Variants in CDH4 observed in about 807,000 individuals in gnomAD.
The protein encoded by CDH4 is cadherin-4.
Under a neutral mutation model 86.0 loss-of-function variants are expected in CDH4, and 33 were observed. The observed-to-expected ratio is 0.38, with a 90% confidence interval of 0.29 to 0.51. The LOEUF (loss-of-function observed/expected upper bound fraction) is 0.51, where lower values mean the gene tolerates loss of function less well. Among genes scored for constraint, CDH4 ranks in the 20% least tolerant of loss-of-function variants. CDH4 has a pLI of 0.86. For synonymous variants in CDH4, 555 were observed against 549.4 expected, an observed-to-expected ratio of 1.01 and a Z score of -0.14; for missense variants, 1,114 against 1,307.4, an observed-to-expected ratio of 0.85 and a Z score of 2.28.
At chr20:61,363,641 C>T (rs2084796281) in intron 2 of CDH4, among the ~76,000 whole-genome samples, 1 of 152,152 alleles carries the variant, frequency 6.6e-6, no homozygotes, top group Non-Finnish European at 1.5e-5. Flanking sequence ...AGTTAGTGTT[C>T]CTGACGGGGG....
intron 2 of CDH4, among the ~76,000 whole-genome samples, chr20:61,358,517 C>T (rs1169559490): frequency 6.6e-6 from 1 of 152,198 alleles, no homozygotes; most frequent in East Asian, 1.9e-4. Flanking sequence ...CATCACCTCC[C>T]TCCTAATTAT....
chr20:61,815,086 C>T (rs1366933643), intron 4 of CDH4, among the ~76,000 whole-genome samples: 1 of 152,182 alleles, frequency 6.6e-6, no homozygotes, highest in Non-Finnish European at 1.5e-5. Flanking sequence ...GGAAATTCTG[C>T]ACCCTGAGTT....
chr20:61,630,713 T>A (rs931713382), intron 2 of CDH4, among the ~76,000 whole-genome samples: 3 of 152,178 alleles, frequency 2.0e-5, no homozygotes, highest in Non-Finnish European at 4.4e-5. Context: ...AGAACCAACT[T>A]ATGGATTATA....
chr20:61,876,270 C>T lies in CDH4; in HGVS notation c.1050+2370C>T, dbSNP rs531739271. ...CGTGCCATCAGCTCCTGGTGTGTGA[C>T]GGGGAAAGCACAGGGGCCAAAAGGG... On this transcript the variant is annotated intron_variant, in intron 7 of 15. Transcript: ENST00000614565. 4.4e-4 allele frequency among the ~76,000 whole-genome samples: 67 copies of T among 152,284 alleles called. No individual in the cohort carries two copies. In the South Asian group the frequency reaches 7.5e-3, roughly 17 times the overall value.
At chr20:61,649,901 G>T (rs1268324825) in intron 2 of CDH4, among the ~76,000 whole-genome samples, 4 of 152,190 alleles carry the variant, frequency 2.6e-5, no homozygotes, top group Admixed American at 6.5e-5. Flanking sequence ...CCAGGACGCT[G>T]AGCTATGGCC....
intron 4 of CDH4, among the ~76,000 whole-genome samples, chr20:61,778,800 G>C (rs1306420481): frequency 2.0e-5 from 3 of 152,178 alleles, no homozygotes; most frequent in African/African-American, 7.2e-5. Flanking sequence ...GGGAACTGGG[G>C]AAAATGGCAG....
chr20:61,913,550 CT>C (rs1193612106), intron 9 of CDH4, among the ~76,000 whole-genome samples: 6 of 152,252 alleles, frequency 3.9e-5, no homozygotes, highest in Non-Finnish European at 1.5e-5. Context: ...AGAGGAGCCA[CT>C]GGTTCCAAGC....
rs568140447 is a variant in CDH4, at chr20:61,517,182, C to T, written c.170-226381C>T. The stretch of plus-strand genomic sequence containing the variant: ...CTAGATGTTGCCTGACTTTGAACTT[C>T]GGGTAAATGGAATCCCTTTTTGTTT... On this transcript the variant is annotated intron_variant, in intron 2 of 15. Transcript: ENST00000614565. The surrounding 1 kb of genome is among the most constrained non-coding windows in gnomAD (Gnocchi z 6.6). 2.0e-5 allele frequency among the ~76,000 whole-genome samples: 3 copies of T among 152,260 alleles called. No homozygotes were observed. The highest frequency in any genetic ancestry group is 2.1e-4 in the South Asian group (1 of 4,820).
At chr20:61,874,074 G>C (rs971005539) in intron 7 of CDH4, among the ~76,000 whole-genome samples, 174 bp downstream of exon 7, 8 of 152,330 alleles carry the variant, frequency 5.3e-5, no homozygotes, top group African/African-American at 1.9e-4. Flanking sequence ...GGAGCACTCA[G>C]CACCGGCTGC....
intron 2 of CDH4, among the ~76,000 whole-genome samples, chr20:61,625,102 G>A (rs1030235205): frequency 1.3e-5 from 2 of 152,128 alleles, no homozygotes; most frequent in African/African-American, 4.8e-5. Flanking sequence ...GCCCTTTGAG[G>A]CTGAAGTGTC....
intron 2 of CDH4, among the ~76,000 whole-genome samples, chr20:61,275,192 G>A (rs2084221400): frequency 1.4e-5 from 2 of 142,806 alleles, no homozygotes; most frequent in South Asian, 2.3e-4. Context: ...ACCATGTGCA[G>A]TTTGGGGGAG....
intron 2 of CDH4, among the ~76,000 whole-genome samples, chr20:61,332,764 T>C (rs538377519): frequency 6.6e-6 from 1 of 152,362 alleles, no homozygotes; most frequent in South Asian, 2.1e-4. Context: ...AGTTATTCGC[T>C]TCCTGGTGGG....
chr20:61,542,977 G>A (rs1196560362), intron 2 of CDH4, among the ~76,000 whole-genome samples: 1 of 152,258 alleles, frequency 6.6e-6, no homozygotes, highest in African/African-American at 2.4e-5. Context: ...AACCACTGGT[G>A]TAAGGCCAGG....
Position 61,608,461 on chromosome 20 carries a change from G to C in CDH4, c.170-135102G>C, listed in dbSNP as rs537092534. Among the ~76,000 whole-genome samples the C allele has an allele frequency of 7.9e-5, 12 of 152,324 alleles. No individual in the cohort carries two copies. In the South Asian group the frequency reaches 2.5e-3, roughly 32 times the overall value. Reference sequence around the variant, plus strand: ...GTGTCCAGCAGCACCTGGCCCTGCAGCCTAGAGTCGTCAGGACCCTGGACA... The same window carrying C: ...GTGTCCAGCAGCACCTGGCCCTGCACCCTAGAGTCGTCAGGACCCTGGACA... On this transcript the variant is annotated intron_variant, in intron 2 of 15. Coordinates refer to ENST00000614565, the MANE Select transcript of CDH4 (RefSeq NM_001794.5).
intron 2 of CDH4, among the ~76,000 whole-genome samples, chr20:61,401,381 A>AT (rs2085048630): frequency 9.7e-6 from 1 of 102,716 alleles, no homozygotes; most frequent in African/African-American, 5.7e-5. Flanking sequence ...CATCCATGCC[A>AT]TTTTTTTGTC....
rs73915066 is a variant in CDH4 at position 61,480,969 on chromosome 20, T to G, written c.169+226032T>G. On this transcript the variant is annotated intron_variant, in intron 2 of 15. Coordinates refer to ENST00000614565, the MANE Select transcript of CDH4 (RefSeq NM_001794.5). This position sits in a 1 kb window ranked among gnomAD's most constrained non-coding sequence, Gnocchi z 5.2. Reference sequence around the variant, plus strand: ...AGTGTGTCCACGTTGATGATTCTGCTTGGTAGTCAGATGACATCCATGAGA... The same window carrying G: ...AGTGTGTCCACGTTGATGATTCTGCGTGGTAGTCAGATGACATCCATGAGA... 0.01 allele frequency among the ~76,000 whole-genome samples: 1,542 copies of G among 152,294 alleles called. 32 individuals are homozygous for G. Among genetic ancestry groups the G allele is most frequent in the African/African-American group, 0.036 (1,495 of 41,564 alleles).
rs190931908 is a variant in CDH4, at chr20:61,357,410, C to T, written c.169+102473C>T. 3.3e-3 allele frequency among the ~76,000 whole-genome samples: 498 copies of T among 152,306 alleles called. 4 individuals carry two copies. Among genetic ancestry groups the T allele is most frequent in the Middle Eastern group, 0.014 (4 of 294 alleles). On this transcript the variant is annotated intron_variant, in intron 2 of 15. Coordinates refer to ENST00000614565, the MANE Select transcript of CDH4 (RefSeq NM_001794.5). ...GGAAATGCTCACCCTGCCATGTTGC[C>T]GCCACACACACTGTTGGGAAACCTC... is the stretch of plus-strand genomic sequence containing the variant.
At chr20:61,535,879 C>T (rs893848146) in intron 2 of CDH4, among the ~76,000 whole-genome samples, 10 of 152,210 alleles carry the variant, frequency 6.6e-5, no homozygotes, top group African/African-American at 2.4e-4. Context: ...GCACTGTGCT[C>T]CTCTAGGTTA....
At chr20:61,696,714 G>A (rs1199458312) in intron 2 of CDH4, among the ~76,000 whole-genome samples, 1 of 152,182 alleles carries the variant, frequency 6.6e-6, no homozygotes, top group African/African-American at 2.4e-5. Context: ...CCAGGGAGGT[G>A]GCAGAGGAGA....
Sources: gnomAD v4.1 joint callset for allele counts (sites outside exome capture counted in the v4.1 genomes callset) on GRCh38, gnomAD v4.1.1 for gene constraint, Gnocchi (gnomAD v3.1) non-coding constraint, MANE v1.5 for transcripts, NCBI Gene and HGNC (gene_info 2026-07-23, HGNC 2026-07-21) for gene names.